ADAM12: variants seen among roughly 807,000 people sequenced by gnomAD.
ADAM12 encodes the protein disintegrin and metalloproteinase domain-containing protein 12.
In ADAM12, 70 loss-of-function variants were observed where a neutral mutation model predicts 106.4. The observed-to-expected ratio is 0.66, with a 90% CI of 0.54 to 0.80. ADAM12 has a LOEUF of 0.80. Ranked by LOEUF, ADAM12 falls within the 30% of genes least tolerant of loss-of-function variation. ADAM12 has a pLI of 0.00. For synonymous variants in ADAM12, 420 were observed against 433.5 expected (o/e 0.97, Z 0.39); for missense variants, 1,010 against 1,171.9 (o/e 0.86, Z 2.02).
chr10:126,061,412 T>C (rs960686574), intron 14 of ADAM12, among the ~76,000 whole-genome samples: 4 of 152,204 alleles, frequency 2.6e-5, no homozygotes, highest in African/African-American at 9.6e-5. Flanking sequence ...GGTCCCTTGC[T>C]AGTAAGTGGT....
chr10:126,118,193 C>T lies in ADAM12; in HGVS notation c.448G>A (p.Val150Ile). 1 of 1,614,048 alleles carries T rather than the reference C, an allele frequency of 6.2e-7. No homozygotes were observed. Among genetic ancestry groups the T allele is most frequent in the Non-Finnish European group, 8.5e-7 (1 of 1,179,934 alleles). Residue 150 changes from valine (V) to isoleucine (I), a missense_variant, in exon 6 of 23, where the codon GTC (valine) becomes ATC (isoleucine). By Grantham distance (29) the Val-to-Ile change is conservative. Around this residue, in one of 3 missense-constraint regions of ADAM12, gnomAD observed 391 missense variants for 442.9 expected, o/e 0.88. Coordinates refer to ENST00000448723, the MANE Select transcript of ADAM12 (RefSeq NM_001288973.2). ...GLIVFENESYVLEPMKSATNR... is the reference protein window; with the variant it reads ...GLIVFENESYILEPMKSATNR... ...GTTGCACTTTTCATTGGTTCTAAGA[C>T]ATAGCTTTCATTTTCAAACACAATA...
intron 1 of ADAM12, among the ~76,000 whole-genome samples, chr10:126,384,856 T>C (rs749016415): frequency 5.3e-5 from 8 of 152,212 alleles, no homozygotes; most frequent in Non-Finnish European, 1.2e-4. Context: ...ATTCTGACTC[T>C]ATCTACCTGG....
intron 4 of ADAM12, among the ~76,000 whole-genome samples, chr10:126,137,355 G>A (rs1454699555): frequency 6.6e-6 from 1 of 152,006 alleles, no homozygotes; most frequent in African/African-American, 2.4e-5. Context: ...TTTGATATCA[G>A]GTAGAGTTAA....
intron 2 of ADAM12, among the ~76,000 whole-genome samples, chr10:126,302,058 G>A (rs1435036625): frequency 6.6e-6 from 1 of 152,060 alleles, no homozygotes; most frequent in Non-Finnish European, 1.5e-5. Flanking sequence ...ACATTCTCTG[G>A]AGAAACAATC....
intron 1 of ADAM12, among the ~76,000 whole-genome samples, chr10:126,361,878 ATT>A (rs993472586): frequency 2.0e-5 from 3 of 151,616 alleles, no homozygotes; most frequent in African/African-American, 7.3e-5. Flanking sequence ...TCTATAGGCA[ATT>A]TTTTTTTAGA....
intron 11 of ADAM12, among the ~76,000 whole-genome samples, chr10:126,086,680 A>AAAAAAAATATATATAT (rs1554966976): frequency 4.5e-4 from 11 of 24,228 alleles, no homozygotes; most frequent in Admixed American, 7.9e-4. Context: ...AAAAAAAAAA[A>AAAAAAAATATATATAT]ATATATATAT....
At chr10:126,124,762 C>T (rs138096612) in intron 5 of ADAM12, among the ~76,000 whole-genome samples, 20 of 151,758 alleles carry the variant, frequency 1.3e-4, no homozygotes, top group Admixed American at 3.9e-4. Flanking sequence ...TGTGATAGTG[C>T]GTGCCTGTAA....
intron 11 of ADAM12, among the ~76,000 whole-genome samples, chr10:126,088,041 A>G (rs535219641): frequency 1.3e-5 from 2 of 152,278 alleles, no homozygotes; most frequent in African/African-American, 2.4e-5. Context: ...CCTGTTTGCA[A>G]TAAATTATTG....
At chr10:126,294,075 T>C (rs1306962962) in intron 2 of ADAM12, among the ~76,000 whole-genome samples, 1 of 152,202 alleles carries the variant, frequency 6.6e-6, no homozygotes, top group Non-Finnish European at 1.5e-5. Flanking sequence ...ATGAAATCAA[T>C]GTGTTTTTGG....
chr10:126,153,147 G>A (rs926351200), intron 4 of ADAM12, among the ~76,000 whole-genome samples: 5 of 152,166 alleles, frequency 3.3e-5, no homozygotes, highest in Admixed American at 2.6e-4. Context: ...TCTCATCTTT[G>A]TATGAAAATG....
chr10:126,033,100 C>A (rs1953997779), intron 21 of ADAM12, among the ~76,000 whole-genome samples: 1 of 152,106 alleles, frequency 6.6e-6, no homozygotes, highest in South Asian at 2.1e-4. Context: ...AGTCACAGAA[C>A]AAATACAGTG....
chr10:126,375,557 A>G (rs1021452452), intron 1 of ADAM12, among the ~76,000 whole-genome samples: 1 of 152,122 alleles, frequency 6.6e-6, no homozygotes, highest in African/African-American at 2.4e-5. Context: ...ATTTAATGGT[A>G]CTACTAAAAC....
chr10:126,126,160 G>T (rs1191634651), intron 5 of ADAM12, among the ~76,000 whole-genome samples: 12 of 152,172 alleles, frequency 7.9e-5, no homozygotes, highest in Non-Finnish European at 8.8e-5. Context: ...AGATGTCCCA[G>T]TTGGGACCTG....
At chr10:126,147,083 C>A (rs1956641984) in intron 4 of ADAM12, among the ~76,000 whole-genome samples, 1 of 152,184 alleles carries the variant, frequency 6.6e-6, no homozygotes, top group South Asian at 2.1e-4. Context: ...CACTTTTGGC[C>A]AAAATATTAG....
chr10:126,227,088 C>G (rs754884273), intron 3 of ADAM12, among the ~76,000 whole-genome samples: 5 of 152,122 alleles, frequency 3.3e-5, no homozygotes, highest in Non-Finnish European at 7.4e-5. Flanking sequence ...GTCACCACCA[C>G]CATCACTATC....
chr10:126,084,623 G>A (rs1955300663), intron 11 of ADAM12, among the ~76,000 whole-genome samples: 1 of 152,200 alleles, frequency 6.6e-6, no homozygotes, highest in African/African-American at 2.4e-5. Context: ...AGAAAAAGCA[G>A]TCACGGTAGA....
At chr10:126,289,172 T>C (rs75142684) in intron 2 of ADAM12, among the ~76,000 whole-genome samples, 2,848 of 152,306 alleles carry the variant, frequency 0.019, 39 homozygotes, top group Admixed American at 0.036. Context: ...GTTGACATCA[T>C]GTTGCTGAAG....
chr10:126,347,841 T>C (rs1855205991), intron 1 of ADAM12, among the ~76,000 whole-genome samples: 1 of 152,262 alleles, frequency 6.6e-6, no homozygotes, highest in Admixed American at 6.5e-5. Context: ...AACAAACTTC[T>C]GGGTCACCCT....
At position 126,028,753 on chromosome 10, in the gene ADAM12, T is replaced by G. The variant is rs114458474; in HGVS notation, c.2529+7393A>C. Among the ~76,000 whole-genome samples the G allele has an allele frequency of 6.0e-3, 913 of 152,122 alleles. 7 individuals carry two copies. The highest frequency in any genetic ancestry group is 0.021 in the African/African-American group (859 of 41,508). ...CGAGGACATAGGCATGCGAAAAGAT[T>G]TCATGACAACATCAAGAGCAAAAAT... On this transcript the variant is annotated intron_variant, in intron 21 of 22. Coordinates refer to ENST00000448723, the MANE Select transcript of ADAM12 (RefSeq NM_001288973.2).
Sources: allele counts gnomAD v4.1 joint callset (sites outside exome capture counted in the v4.1 genomes callset), GRCh38; gene constraint gnomAD v4.1.1; regional missense constraint gnomAD v4.1.1; transcripts MANE v1.5; gene names NCBI Gene and HGNC (gene_info 2026-07-23, HGNC 2026-07-21).